EGF: variants seen among roughly 807,000 people sequenced by gnomAD.
The protein encoded by EGF is epidermal growth factor, also known as pro-epidermal growth factor.
EGF carries 95 observed loss-of-function variants against 143.8 expected under a neutral mutation model. That is an observed-to-expected ratio of 0.66 (90% CI 0.56 to 0.78). The LOEUF is 0.78. EGF is among the 30% of genes least tolerant of loss of function. The pLI is 0.00. For synonymous variants in EGF, 510 were observed against 510.5 expected (o/e 1.00, Z 0.01); for missense variants, 1,320 against 1,470.9 (o/e 0.90, Z 1.68).
Position 109,943,302 on chromosome 4 carries a change from A to G in EGF, c.376A>G (p.Ile126Val). The G allele has an allele frequency of 2.5e-6, 4 of 1,609,888 alleles. No homozygotes were observed. Among genetic ancestry groups the G allele is most frequent in the Non-Finnish European group, 3.4e-6 (4 of 1,178,006 alleles). Residue 126 changes from isoleucine to valine, a missense_variant, in exon 3 of 24, where the codon ATA becomes GTA. Physicochemically the swap from Ile to Val is conservative, Grantham distance 29. Around this residue, in one of 5 missense-constraint regions of EGF, gnomAD observed 5 missense variants for 21.3 expected, o/e 0.23. Transcript: ENST00000265171. ...KNVSGMAINW[I>V]NEEVIWSNQQ... The stretch of plus-strand genomic sequence containing the variant: ...TGTTTCTGGAATGGCAATAAATTGG[A>G]TAAATGAAGAAGTTATTTGGTCAAA...
intron 9 of EGF, 30 bp from the exon 10 acceptor site, chr4:109,964,371 A>G (rs757138197): frequency 7.6e-5 from 122 of 1,613,478 alleles, no homozygotes; most frequent in Non-Finnish European, 1.0e-4. Context: ...CACGTTTTAA[A>G]TTCAGCCATA....
At chr4:109,952,253 G>T (rs1412008080) in intron 5 of EGF, among the ~76,000 whole-genome samples, 1 of 152,012 alleles carries the variant, frequency 6.6e-6, no homozygotes, top group Non-Finnish European at 1.5e-5. Flanking sequence ...AAATATTTTT[G>T]CTTTTTTCTG....
chr4:109,970,919 G>A (rs1747544033), intron 11 of EGF, among the ~76,000 whole-genome samples: 3 of 151,330 alleles, frequency 2.0e-5, no homozygotes, highest in African/African-American at 4.9e-5. Flanking sequence ...TCCAAGGTGA[G>A]CATATTTTCT....
chr4:109,994,382 T>C (rs901484745), intron 19 of EGF, among the ~76,000 whole-genome samples: 1 of 152,206 alleles, frequency 6.6e-6, no homozygotes, highest in Non-Finnish European at 1.5e-5. Context: ...CAGTGAGACC[T>C]TGAAGCTAAC....
Position 109,988,814 on chromosome 4 carries a change from C to T in EGF, c.2734+105C>T, listed in dbSNP as rs1256461268. The T allele has an allele frequency of 3.9e-6, 6 of 1,530,780 alleles. No individual in the cohort carries two copies. The African/African-American group carries it at 8.2e-5, about 21-fold the overall frequency. 94.8% of individuals were successfully genotyped at this position (1,530,780 alleles called of 1,614,324 possible). On this transcript the variant is annotated intron_variant, in intron 18 of 23. Transcript: ENST00000265171. The stretch of plus-strand genomic sequence containing the variant: ...GGAAGACAGGATATAATTGGGGTGA[C>T]ACACATGTCAAGATTTAAAGAGTTG...
intron 5 of EGF, 33 bp downstream of exon 5, chr4:109,945,308 C>T (rs754573805): frequency 1.3e-6 from 2 of 1,597,254 alleles, no homozygotes; most frequent in Middle Eastern, 1.8e-4. Context: ...CAGGGCCTGA[C>T]ACATAGTTCC....
intron 1 of EGF, among the ~76,000 whole-genome samples, chr4:109,924,617 A>T (rs1049291800): frequency 6.6e-6 from 1 of 152,150 alleles, no homozygotes; most frequent in African/African-American, 2.4e-5. Context: ...AGATCCTCTT[A>T]TTTGGTTTTA....
intron 1 of EGF, among the ~76,000 whole-genome samples, chr4:109,921,424 C>T (rs1737767103): frequency 6.6e-6 from 1 of 151,488 alleles, no homozygotes; most frequent in Admixed American, 6.5e-5. Flanking sequence ...ATGCCTCTCA[C>T]TGTCTGGGTT....
intron 19 of EGF, among the ~76,000 whole-genome samples, chr4:109,994,140 A>G (rs938124948): frequency 1.3e-5 from 2 of 152,022 alleles, no homozygotes; most frequent in Non-Finnish European, 2.9e-5. Context: ...CCTTTTAAGG[A>G]GCAGTGAACC....
At chr4:109,968,082 G>GA (rs11568973) in intron 10 of EGF, among the ~76,000 whole-genome samples, 2,685 of 152,166 alleles carry the variant, frequency 0.018, 71 homozygotes, top group African/African-American at 0.06. Context: ...AAACTTATAA[G>GA]AAAAGTAATT....
At chr4:109,926,768 G>C (rs536820981) in intron 1 of EGF, among the ~76,000 whole-genome samples, 7 of 152,304 alleles carry the variant, frequency 4.6e-5, no homozygotes, top group African/African-American at 1.7e-4. Context: ...TACCCAAAAA[G>C]TAACTAAAAC....
intron 10 of EGF, among the ~76,000 whole-genome samples, chr4:109,966,241 C>T (rs902339802): frequency 3.3e-5 from 5 of 151,974 alleles, no homozygotes; most frequent in Non-Finnish European, 7.4e-5. Flanking sequence ...TCTGTTATTC[C>T]ACTCTGTATG....
At chr4:109,936,491 C>G (rs534307328) in intron 1 of EGF, among the ~76,000 whole-genome samples, 10 of 152,174 alleles carry the variant, frequency 6.6e-5, no homozygotes, top group Non-Finnish European at 4.4e-5. Flanking sequence ...TTCAAAAAAA[C>G]GAGTTCCTGG....
intron 16 of EGF, among the ~76,000 whole-genome samples, chr4:109,984,946 T>G (rs1189313773): frequency 1.3e-5 from 2 of 152,188 alleles, no homozygotes; most frequent in Non-Finnish European, 2.9e-5. Flanking sequence ...ATCCCAGTCC[T>G]CAAGGCCACA....
At position 110,004,215 on chromosome 4, in the gene EGF, TAC is replaced by T. The variant is rs772189572; in HGVS notation, c.3174-254_3174-253del. 32,666 of 342,232 alleles carry T rather than the reference TAC, an allele frequency of 0.095. 30 individuals are homozygous for T. Among genetic ancestry groups the T allele is most frequent in the Middle Eastern group, 0.13 (129 of 1,024 alleles). The allele number at this position is 342,232 out of a possible 1,614,324, so 21.2% of individuals were successfully genotyped here. ...TCCCCCCAACATACATGGGCATACATACACACACACACACACACACACACACA... is the reference window on the plus strand; with the variant it reads ...TCCCCCCAACATACATGGGCATACATACACACACACACACACACACACACA... On this transcript the variant is annotated intron_variant, in intron 21 of 23. Transcript: ENST00000265171.
intron 20 of EGF, among the ~76,000 whole-genome samples, 177 bp downstream of exon 20, chr4:109,995,057 C>T (rs1308379241): frequency 1.3e-5 from 2 of 152,172 alleles, no homozygotes; most frequent in Admixed American, 6.5e-5. Context: ...CCTTGTGTAT[C>T]ACGATGCCCC....
intron 10 of EGF, among the ~76,000 whole-genome samples, chr4:109,968,494 A>G (rs1395202352): frequency 6.6e-6 from 1 of 152,120 alleles, no homozygotes; most frequent in Admixed American, 6.5e-5. Flanking sequence ...CATGATGGCT[A>G]CGTCATTGAC....
chr4:110,002,823 C>A (rs1405209544), intron 21 of EGF, among the ~76,000 whole-genome samples: 1 of 152,178 alleles, frequency 6.6e-6, no homozygotes, highest in African/African-American at 2.4e-5. Context: ...CCACCCTCCA[C>A]CCTCAGGTAG....
rs7661766 is a variant in EGF, at chr4:109,945,370, A to T, written c.940+95A>T. ...AATGAGGCGTTGTAGGGGAAAAAAA[A>T]TTTTTTTCTTCAACCCTCATATATT... On this transcript the variant is annotated intron_variant, in intron 5 of 23. Transcript: ENST00000265171. 0.078 allele frequency: 96,124 copies of T among 1,238,622 alleles called. 5,963 individuals carry two copies. The highest frequency in any genetic ancestry group is 0.27 in the African/African-American group (17,835 of 65,324). 76.7% of individuals were successfully genotyped at this position (1,238,622 alleles called of 1,614,324 possible).
Sources: allele counts gnomAD v4.1 joint callset (sites outside exome capture counted in the v4.1 genomes callset), GRCh38; gene constraint gnomAD v4.1.1; regional missense constraint gnomAD v4.1.1; transcripts MANE v1.5; gene names NCBI Gene and HGNC (gene_info 2026-07-23, HGNC 2026-07-21).